The following DPP10 variants were observed in gnomAD, a reference collection of about 807,000 sequenced individuals.
The protein encoded by DPP10 is inactive dipeptidyl peptidase 10.
Under a neutral mutation model 120.9 loss-of-function variants are expected in DPP10, and 33 were observed. The ratio of observed to expected loss-of-function variants is 0.27; its 90% CI spans 0.21 to 0.37. The LOEUF (loss-of-function observed/expected upper bound fraction) is 0.37. Among genes scored for constraint, DPP10 ranks in the 10% least tolerant of loss-of-function variants. The pLI, the probability that DPP10 is intolerant of heterozygous loss-of-function variation, is 1.00. For missense variants in DPP10, 816 were observed against 942.8 expected (o/e 0.87, Z 1.76); for synonymous variants, 337 against 326.1 (o/e 1.03, Z -0.36).
intron 3 of DPP10, among the ~76,000 whole-genome samples, chr2:115,459,663 G>A (rs2105057113): frequency 6.6e-6 from 1 of 151,998 alleles, no homozygotes; most frequent in Non-Finnish European, 1.5e-5. Context: ...AAAGCAATTT[G>A]AGGAAATTTG....
intron 1 of DPP10, among the ~76,000 whole-genome samples, chr2:114,445,944 C>A (rs1230705156): frequency 6.6e-6 from 1 of 152,120 alleles, no homozygotes; most frequent in Non-Finnish European, 1.5e-5. Flanking sequence ...AACTTTCCTC[C>A]ATTTCAGAGC....
At chr2:115,559,274 A>C in intron 5 of DPP10, among the ~76,000 whole-genome samples, 1 of 152,188 alleles carries the variant, frequency 6.6e-6, no homozygotes, top group East Asian at 1.9e-4. Flanking sequence ...CAGGTTCAGT[A>C]TAAATGCAAA....
intron 1 of DPP10, among the ~76,000 whole-genome samples, chr2:114,674,187 T>G: frequency 6.6e-6 from 1 of 152,178 alleles, no homozygotes. Flanking sequence ...TTCTTCCAGG[T>G]TTTTGTTATA....
intron 1 of DPP10, chr2:115,161,285 C>T (rs1573835040): frequency 6.6e-6 from 1 of 152,568 alleles, no homozygotes; most frequent in East Asian, 1.9e-4. Context: ...CTCCGGGACC[C>T]CGGTCCCCGG....
chr2:115,536,834 G>T (rs1056782947), intron 5 of DPP10, among the ~76,000 whole-genome samples: 3 of 151,892 alleles, frequency 2.0e-5, no homozygotes, highest in African/African-American at 7.3e-5. Flanking sequence ...CATTGAGAAA[G>T]TAAACCTATT....
rs577250000 is a variant in DPP10 at position 114,766,082 on chromosome 2, A to G, written c.60+323244A>G. Among the ~76,000 whole-genome samples, 6 of 152,126 alleles carry G rather than the reference A, an allele frequency of 3.9e-5. No homozygotes were observed. In the East Asian group the frequency reaches 1.2e-3, roughly 29 times the overall value. On this transcript the variant is annotated intron_variant, in intron 1 of 25. Transcript: ENST00000410059. ...ACTTAAGAAATTAAAATTATTATAT[A>G]CAGAATATAAAATAATATATGAAAA...
At chr2:115,142,256 G>A (rs1352939786) in intron 1 of DPP10, among the ~76,000 whole-genome samples, 1 of 152,110 alleles carries the variant, frequency 6.6e-6, no homozygotes, top group African/African-American at 2.4e-5. Flanking sequence ...ATCATTCACT[G>A]CTTTTTTGCA....
rs535523608 is a variant in DPP10 at position 114,450,301 on chromosome 2, A to G, written c.60+7463A>G. ...CTCACAATCTCCTAGTCAGACTGTT[A>G]TGTTCTTACCTAATCGCCGATGTTC... On this transcript the variant is annotated intron_variant, in intron 1 of 25. Transcript: ENST00000410059. Among the ~76,000 whole-genome samples the G allele has an allele frequency of 2.0e-5, 3 of 152,170 alleles. No individual in the cohort carries two copies. In the East Asian group the frequency reaches 5.8e-4, roughly 29 times the overall value.
At chr2:114,750,123 T>C (rs1442374036) in intron 1 of DPP10, among the ~76,000 whole-genome samples, 1 of 152,010 alleles carries the variant, frequency 6.6e-6, no homozygotes, top group African/African-American at 2.4e-5. Context: ...TGGGAAAGAA[T>C]AGGAGAACTG....
intron 19 of DPP10, among the ~76,000 whole-genome samples, chr2:115,797,955 G>A (rs199513942): frequency 5.1e-4 from 77 of 149,688 alleles, no homozygotes; most frequent in African/African-American, 1.7e-3. Flanking sequence ...GTGTGTGTGT[G>A]TATATATATA....
rs186338587 is a variant in DPP10 at position 115,705,318 on chromosome 2, T to A, written c.576+15397T>A. On this transcript the variant is annotated intron_variant, in intron 7 of 25. Coordinates refer to ENST00000410059, the MANE Select transcript of DPP10 (RefSeq NM_020868.6). Reference sequence around the variant, plus strand: ...TCCATTAAATATCTATGCTTTTTAATACAAAAGTAATTATTTTTAATCTCA... The same window carrying A: ...TCCATTAAATATCTATGCTTTTTAAAACAAAAGTAATTATTTTTAATCTCA... Among the ~76,000 whole-genome samples, 547 of 152,060 alleles carry A rather than the reference T, an allele frequency of 3.6e-3. 4 individuals are homozygous for A. The highest frequency in any genetic ancestry group is 0.01 in the Middle Eastern group (3 of 294).
chr2:115,033,933 C>T (rs1704039200), intron 1 of DPP10, among the ~76,000 whole-genome samples: 1 of 115,130 alleles, frequency 8.7e-6, no homozygotes, highest in Non-Finnish European at 1.6e-5. Flanking sequence ...GAGTCTTGCT[C>T]TGTCACCAGG....
At chr2:114,659,441 G>A (rs1697228921) in intron 1 of DPP10, among the ~76,000 whole-genome samples, 2 of 151,952 alleles carry the variant, frequency 1.3e-5, no homozygotes, top group African/African-American at 2.4e-5. Context: ...TCATGCATTG[G>A]AGACAGAGCA....
At chr2:114,689,813 G>A (rs770195577) in intron 1 of DPP10, among the ~76,000 whole-genome samples, 21 of 151,570 alleles carry the variant, frequency 1.4e-4, no homozygotes, top group African/African-American at 2.9e-4. Flanking sequence ...TTTGATTTGC[G>A]TTTCTCTAAT....
intron 7 of DPP10, among the ~76,000 whole-genome samples, chr2:115,719,009 G>C (rs145142805): frequency 6.6e-6 from 1 of 151,934 alleles, no homozygotes; most frequent in African/African-American, 2.4e-5. Flanking sequence ...TTTATTTCTC[G>C]GGGCCTGTAA....
chr2:115,674,917 A>T (rs1161064888), intron 5 of DPP10, among the ~76,000 whole-genome samples: 1 of 152,182 alleles, frequency 6.6e-6, no homozygotes, highest in African/African-American at 2.4e-5. Context: ...TTGAACAACA[A>T]ATCTTTATCA....
At chr2:115,242,702 T>C (rs1314010853) in intron 1 of DPP10, among the ~76,000 whole-genome samples, 2 of 151,724 alleles carry the variant, frequency 1.3e-5, no homozygotes, top group African/African-American at 4.8e-5. Flanking sequence ...TTATGGCCAT[T>C]ATTGCCAGAG....
intron 2 of DPP10, among the ~76,000 whole-genome samples, chr2:115,309,650 CA>C (rs2061501448): frequency 6.6e-6 from 1 of 152,088 alleles, no homozygotes; most frequent in African/African-American, 2.4e-5. Context: ...TTGATAAATG[CA>C]GAAGACATTT....
intron 1 of DPP10, among the ~76,000 whole-genome samples, chr2:115,042,294 C>G (rs921916284): frequency 6.6e-6 from 1 of 151,640 alleles, no homozygotes; most frequent in Non-Finnish European, 1.5e-5. Flanking sequence ...TTTGACAGGG[C>G]CTCACTGTGT....
Sources: allele counts gnomAD v4.1 joint callset (sites outside exome capture counted in the v4.1 genomes callset), GRCh38; gene constraint gnomAD v4.1.1; transcripts MANE v1.5; gene names NCBI Gene and HGNC (gene_info 2026-07-23, HGNC 2026-07-21).